Variants in SGK2 observed in about 807,000 individuals in gnomAD.
SGK2 encodes serum/glucocorticoid regulated kinase 2.
In SGK2, 36 loss-of-function variants were observed where a neutral mutation model predicts 47.5. That is an observed-to-expected ratio of 0.76 (90% CI 0.58 to 1.00). The LOEUF (loss-of-function observed/expected upper bound fraction) is 1.00, where lower values mean the gene tolerates loss of function less well. Among genes scored for constraint, SGK2 ranks in the 50% least tolerant of loss-of-function variants. The pLI, the probability that SGK2 is intolerant of heterozygous loss-of-function variation, is 0.00. For synonymous variants in SGK2, 157 were observed against 181.9 expected (o/e 0.86, Z 1.10); for missense variants, 404 against 467.4 (o/e 0.86, Z 1.25).
chr20:43,564,495 GCA>G (rs3838027), intron 1 of SGK2, among the ~76,000 whole-genome samples: 9,113 of 152,150 alleles, frequency 0.06, 486 homozygotes, highest in African/African-American at 0.14. Context: ...ATGCACGCGC[GCA>G]CACACATACA....
At chr20:43,583,617 A>T (rs112679913) in intron 12 of SGK2, 11 of 985,272 alleles carry the variant, frequency 1.1e-5, no homozygotes, top group African/African-American at 7.0e-5. Context: ...CCACAGAGAG[A>T]CTGTATTGGT....
rs944410189 is a variant in SGK2 at position 43,585,246 on chromosome 20, G to A, written c.*230G>A. The A allele has an allele frequency of 2.9e-5, 10 of 339,450 alleles. No homozygotes were observed. The highest frequency in any genetic ancestry group is 2.1e-4 in the African/African-American group (10 of 48,452). 21.0% of individuals were successfully genotyped at this position (339,450 alleles called of 1,614,324 possible). A position where few individuals can be genotyped will look rare whatever the true frequency, so the allele number is the denominator to read the frequency against. ...CCAACCTTGACAAATGGCTTCCAAT[G>A]TTAGGTTTGCTACAAGATGGTTACT... is the stretch of plus-strand genomic sequence containing the variant. On this transcript the variant is annotated 3_prime_UTR_variant, in exon 13 of 13. Transcript: ENST00000373100.
intron 10 of SGK2, 55 bp downstream of exon 10, chr20:43,575,059 C>G: frequency 8.5e-7 from 1 of 1,174,704 alleles, no homozygotes; most frequent in Non-Finnish European, 1.3e-6. Flanking sequence ...GGGTCTGTCT[C>G]TCATGTGGTC....
Position 43,572,074 on chromosome 20 carries a change from T to C in SGK2, c.534T>C (p.Phe178=). 6.5e-7 allele frequency: 1 copy of C among 1,549,676 alleles called. No individual in the cohort carries two copies. The highest frequency in any genetic ancestry group is 8.7e-7 in the Non-Finnish European group (1 of 1,146,406). Residue 178 remains phenylalanine, a synonymous_variant, in exon 9 of 13, where the codon TTT becomes TTC. Transcript: ENST00000373100. The surrounding 1 kb of genome is among the most constrained non-coding windows in gnomAD (Gnocchi z 4.2). ...AGGGACACGTGGTGCTGACGGATTT[T>C]GGCCTCTGCAAGGAAGGTGTAGAGC... ...DCQGHVVLTD[F]GLCKEGVEPE...
At chr20:43,566,379 G>A (rs139866526) in intron 1 of SGK2, 94 bp from the exon 2 acceptor site, 2 of 1,614,070 alleles carry the variant, frequency 1.2e-6, no homozygotes, top group African/African-American at 2.7e-5. Context: ...AGGTAGGGGA[G>A]GATGGAGAGG....
chr20:43,582,048 T>A (rs1303594786), intron 12 of SGK2, among the ~76,000 whole-genome samples: 1 of 152,364 alleles, frequency 6.6e-6, no homozygotes, highest in Admixed American at 6.5e-5. Context: ...GTTAGTTTTT[T>A]AAATTTATTT....
At chr20:43,573,768 G>A (rs963593853) in intron 9 of SGK2, among the ~76,000 whole-genome samples, 1 of 152,188 alleles carries the variant, frequency 6.6e-6, no homozygotes, top group African/African-American at 2.4e-5. Context: ...CAGGAGCCAT[G>A]GTCTGTGTTT....
At chr20:43,564,021 C>T (rs928687869) in intron 1 of SGK2, among the ~76,000 whole-genome samples, 6 of 152,202 alleles carry the variant, frequency 3.9e-5, no homozygotes, top group Non-Finnish European at 7.4e-5. Context: ...ATACTGTAGC[C>T]ACACAGAAAG....
chr20:43,570,039 T>C (rs1979998991), intron 6 of SGK2, among the ~76,000 whole-genome samples: 1 of 152,196 alleles, frequency 6.6e-6, no homozygotes, highest in South Asian at 2.1e-4. Context: ...CGTGATCTCT[T>C]GCCTTTCAGA....
At chr20:43,569,227 G>A (rs1979944053) in intron 5 of SGK2, among the ~76,000 whole-genome samples, 158 bp from the exon 6 acceptor site, 1 of 152,118 alleles carries the variant, frequency 6.6e-6, no homozygotes, top group Admixed American at 6.5e-5. Context: ...CTTGGGCCTG[G>A]CTCTAAGGGC....
In SGK2 at chr20:43,569,481, C is replaced by T. The variant is rs1979964520; in HGVS notation, c.325C>T (p.Leu109Phe). The T allele has an allele frequency of 6.2e-7, 1 of 1,613,778 alleles. No individual in the cohort carries two copies. Among genetic ancestry groups the T allele is most frequent in the Non-Finnish European group, 8.5e-7 (1 of 1,180,010 alleles). Residue 109 changes from leucine to phenylalanine, a missense_variant, in exon 6 of 13, where the codon CTC becomes TTC. Transcript: ENST00000373100. ...CTACTCCTTCCAGACACCTGAGAAG[C>T]TCTACTTCGTGCTCGACTATGTCAA... ...LRYSFQTPEK[L>F]YFVLDYVNGG... is the part of the protein sequence containing the mutation.
At chr20:43,559,202 A>G (rs545621036) in intron 1 of SGK2, 43 bp downstream of exon 1, 1 of 152,234 alleles carries the variant, frequency 6.6e-6, no homozygotes, top group African/African-American at 2.4e-5. Context: ...CTGCTCGCCT[A>G]TTGGTCTCCA....
chr20:43,566,589 G>A (rs1216767398), intron 2 of SGK2, 58 bp downstream of exon 2: 5 of 1,225,690 alleles, frequency 4.1e-6, no homozygotes, highest in Non-Finnish European at 4.7e-6. Flanking sequence ...CCGAGGCTAA[G>A]GAAATCTGTG....
At chr20:43,564,095 C>T (rs1417805050) in intron 1 of SGK2, among the ~76,000 whole-genome samples, 3 of 152,228 alleles carry the variant, frequency 2.0e-5, no homozygotes, top group African/African-American at 7.2e-5. Context: ...CTGCCTACCC[C>T]TCGGGATCCT....
chr20:43,566,581 G>A lies in SGK2; in HGVS notation c.36+50G>A, dbSNP rs753126290. ...CATCATCGGGGGCTCACTTCTTCCC[G>A]AGGCTAAGGAAATCTGTGGGTCCCA... On this transcript the variant is annotated intron_variant, in intron 2 of 12. Transcript: ENST00000373100. 20 of 1,321,984 alleles carry A rather than the reference G, an allele frequency of 1.5e-5. No individual in the cohort carries two copies. In the East Asian group the frequency reaches 3.0e-4, roughly 20 times the overall value. 81.9% of individuals were successfully genotyped at this position (1,321,984 alleles called of 1,614,324 possible).
rs1980036329 is a variant in SGK2 at position 43,570,614 on chromosome 20, C to T, written c.361-3C>T. The stretch of plus-strand genomic sequence containing the variant: ...CTCCTGTCACACTCCTCCTCCCCTC[C>T]AGCTCTTCTTCCACCTGCAGCGGGA... On this transcript the variant is annotated splice_region_variant and splice_polypyrimidine_tract_variant and intron_variant, in intron 6 of 12. Coordinates refer to ENST00000373100, the MANE Select transcript of SGK2 (RefSeq NM_170693.3). 1 of 1,598,882 alleles carries T rather than the reference C, an allele frequency of 6.3e-7. No homozygotes were observed. Among genetic ancestry groups the T allele is most frequent in the African/African-American group, 1.3e-5 (1 of 74,800 alleles).
chr20:43,576,903 T>C lies in SGK2; in HGVS notation c.849+524T>C, dbSNP rs1256218364. 1.3e-5 allele frequency among the ~76,000 whole-genome samples: 2 copies of C among 152,092 alleles called. 1 individual carries two copies. The highest frequency in any genetic ancestry group is 4.1e-4 in the South Asian group (2 of 4,826). ...GTTGCAGTGATCTGAGATCGTGCCA[T>C]TGCACTCCAGGCAGGGCAACAAGAG... On this transcript the variant is annotated intron_variant, in intron 11 of 12. Coordinates refer to ENST00000373100, the MANE Select transcript of SGK2 (RefSeq NM_170693.3).
At chr20:43,559,758 A>G (rs1979277784) in intron 1 of SGK2, among the ~76,000 whole-genome samples, 1 of 152,172 alleles carries the variant, frequency 6.6e-6, no homozygotes, top group Non-Finnish European at 1.5e-5. Context: ...GGTGAGCTGG[A>G]AAGACCAGGT....
chr20:43,571,093 GTGTGTGTGTA>G (rs1307747100), intron 8 of SGK2, 33 bp downstream of exon 8: 1 of 1,608,240 alleles, frequency 6.2e-7, no homozygotes, highest in African/African-American at 1.3e-5. Context: ...GTGTGTGTGT[GTGTGTGTGTA>G]TGTGGTTGCA....
Sources: allele counts gnomAD v4.1 joint callset (sites outside exome capture counted in the v4.1 genomes callset), GRCh38; gene constraint gnomAD v4.1.1; non-coding constraint Gnocchi (gnomAD v3.1); transcripts MANE v1.5; gene names NCBI Gene and HGNC (gene_info 2026-07-23, HGNC 2026-07-21).